The following KREMEN1 variants were observed in gnomAD, a reference collection of about 807,000 sequenced individuals.
KREMEN1 encodes kremen protein 1.
KREMEN1 carries 30 observed loss-of-function variants against 46.5 expected under a neutral mutation model. The ratio of observed to expected loss-of-function variants is 0.65; its 90% confidence interval spans 0.48 to 0.88. KREMEN1 has a LOEUF of 0.88. KREMEN1 is among the 40% of genes least tolerant of loss of function. The pLI is 0.00. For synonymous variants in KREMEN1, 214 were observed against 230.6 expected (o/e 0.93, Z 0.65); for missense variants, 533 against 596.9 (o/e 0.89, Z 1.11).
chr22:29,136,202 G>A (rs1254290280), intron 5 of KREMEN1, among the ~76,000 whole-genome samples: 2 of 151,446 alleles, frequency 1.3e-5, no homozygotes, highest in Non-Finnish European at 2.9e-5. Context: ...GATTACAGGC[G>A]TGAGCCACCG....
At chr22:29,139,288 A>G (rs780015398) in intron 7 of KREMEN1, among the ~76,000 whole-genome samples, 2 of 152,172 alleles carry the variant, frequency 1.3e-5, no homozygotes, top group Admixed American at 6.5e-5. Context: ...AAAATCAGAT[A>G]ATGATAAGAG....
intron 2 of KREMEN1, among the ~76,000 whole-genome samples, chr22:29,097,977 T>G (rs2037908237): frequency 6.6e-6 from 1 of 151,812 alleles, no homozygotes; most frequent in South Asian, 2.1e-4. Flanking sequence ...AGGTCAGGAG[T>G]TGGAGACCAG....
At chr22:29,095,057 A>G (rs2037864413) in intron 2 of KREMEN1, among the ~76,000 whole-genome samples, 1 of 152,170 alleles carries the variant, frequency 6.6e-6, no homozygotes, top group South Asian at 2.1e-4. Context: ...ATACACAGTT[A>G]GCAGAGCAGC....
At chr22:29,148,042 T>A (rs2038885660), downstream of KREMEN1, among the ~76,000 whole-genome samples, 5 of 152,240 alleles carry the variant, frequency 3.3e-5, no homozygotes, top group South Asian at 8.3e-4. Context: ...TGAGGAGGTG[T>A]CTGGGATGGT....
intron 4 of KREMEN1, among the ~76,000 whole-genome samples, chr22:29,123,296 T>C (rs1179723268): frequency 6.6e-6 from 1 of 151,138 alleles, no homozygotes; most frequent in Non-Finnish European, 1.5e-5. Context: ...GGAGAAAATA[T>C]TTGCAAATCA....
At chr22:29,114,486 CAAA>C (rs134685) in intron 3 of KREMEN1, among the ~76,000 whole-genome samples, 1 of 88,078 alleles carries the variant, frequency 1.1e-5, no homozygotes, top group Non-Finnish European at 2.1e-5. Context: ...AACTCCGTGT[CAAA>C]AAAAAAAAAA....
chr22:29,143,182 T>A lies in KREMEN1; in HGVS notation c.*1070T>A. ...ACAAAACACAAATAAACAAAAAAAA[T>A]CCATTCATTTACTCATGCAATAAAT... On this transcript the variant is annotated 3_prime_UTR_variant, in exon 9 of 9. Transcript: ENST00000400335. 3 of 984,644 alleles carry A rather than the reference T, an allele frequency of 3.0e-6. No individual in the cohort carries two copies. The highest frequency in any genetic ancestry group is 3.6e-6 in the Non-Finnish European group (3 of 829,634). 61.0% of individuals were successfully genotyped at this position (984,644 alleles called of 1,614,324 possible). A position where few individuals can be genotyped will look rare whatever the true frequency, so the allele number is the denominator to read the frequency against.
intron 5 of KREMEN1, among the ~76,000 whole-genome samples, chr22:29,130,838 T>C (rs952210574): frequency 6.6e-6 from 1 of 152,224 alleles, no homozygotes; most frequent in African/African-American, 2.4e-5. Context: ...TCACCCAGAT[T>C]GTATATGTCG....
At chr22:29,123,094 A>G (rs2038384643) in intron 4 of KREMEN1, among the ~76,000 whole-genome samples, 1 of 152,084 alleles carries the variant, frequency 6.6e-6, no homozygotes, top group Admixed American at 6.6e-5. Context: ...AAAATTATAA[A>G]ACTTCTAGAA....
intron 9 of KREMEN1, among the ~76,000 whole-genome samples, chr22:29,157,265 G>C (rs117384484): frequency 0.017 from 2,587 of 152,306 alleles, 29 homozygotes; most frequent in Middle Eastern, 0.058. Context: ...GAGGCTGGGG[G>C]ATTGCCTTCT....
intron 1 of KREMEN1, among the ~76,000 whole-genome samples, chr22:29,087,323 G>T (rs1208342190): frequency 6.6e-6 from 1 of 151,502 alleles, no homozygotes; most frequent in African/African-American, 2.4e-5. Flanking sequence ...AACTTTGGTG[G>T]ATTAAAAAAA....
intron 2 of KREMEN1, 152 bp downstream of exon 2, chr22:29,094,572 TACACACACACAC>T (rs134658): frequency 0.018 from 4,656 of 255,640 alleles, 95 homozygotes; most frequent in African/African-American, 0.049. Flanking sequence ...TTTCACACCT[TACACACACACAC>T]ACACACACAC....
chr22:29,117,220 A>G (rs905471233), intron 3 of KREMEN1, among the ~76,000 whole-genome samples: 1 of 152,174 alleles, frequency 6.6e-6, no homozygotes, highest in African/African-American at 2.4e-5. Flanking sequence ...TAATGTGGAT[A>G]TAAAGCTTAT....
At chr22:29,094,572 TACACACACACACACACACACAC>T (rs134658) in intron 2 of KREMEN1, 152 bp downstream of exon 2, 2 of 255,768 alleles carry the variant, frequency 7.8e-6, no homozygotes, top group Admixed American at 5.8e-5. Flanking sequence ...TTTCACACCT[TACACACACACACACACACACAC>T]ACACACACAC....
exon 10 of KREMEN1, chr22:29,167,896 T>C (rs713924): frequency 0.94 from 143,873 of 152,400 alleles, 68,145 homozygotes; most frequent in African/African-American, 0.99. Flanking sequence ...CCTTTGACTT[T>C]GCCACATGGC....
intron 3 of KREMEN1, among the ~76,000 whole-genome samples, chr22:29,116,668 A>G (rs2038244804): frequency 6.6e-6 from 1 of 152,218 alleles, no homozygotes; most frequent in African/African-American, 2.4e-5. Context: ...GCTTACTTGT[A>G]AGCATAATGG....
At chr22:29,091,805 G>A (rs147714701) in intron 1 of KREMEN1, among the ~76,000 whole-genome samples, 1 of 152,268 alleles carries the variant, frequency 6.6e-6, no homozygotes, top group Non-Finnish European at 1.5e-5. Context: ...CAAACAAAGG[G>A]CAGAAAAATA....
intron 5 of KREMEN1, among the ~76,000 whole-genome samples, chr22:29,135,122 C>T (rs1340704052): frequency 1.3e-5 from 2 of 152,212 alleles, no homozygotes; most frequent in Non-Finnish European, 2.9e-5. Context: ...AGGAGAATTT[C>T]TTGCCCTCCC....
chr22:29,128,350 A>C (rs1192250050), intron 5 of KREMEN1, among the ~76,000 whole-genome samples: 4 of 152,228 alleles, frequency 2.6e-5, no homozygotes, highest in Admixed American at 2.0e-4. Context: ...TAAGTCAAGG[A>C]ACATCTGTAC....
Sources: allele counts gnomAD v4.1 joint callset (sites outside exome capture counted in the v4.1 genomes callset), GRCh38; gene constraint gnomAD v4.1.1; transcripts MANE v1.5; gene names NCBI Gene and HGNC (gene_info 2026-07-23, HGNC 2026-07-21).